Variants in RAB31 observed in about 807,000 individuals in gnomAD.
The protein encoded by RAB31 is RAB31, member RAS oncogene family, also known as ras-related protein Rab-31.
RAB31 carries 21 observed loss-of-function variants against 25.6 expected under a neutral mutation model. The ratio of observed to expected loss-of-function variants is 0.82; its 90% confidence interval spans 0.58 to 1.18. The LOEUF is 1.18. RAB31 is among the 50% of genes most tolerant of loss of function. The pLI is 0.00. For missense variants in RAB31, 196 were observed against 250.1 expected, an observed-to-expected ratio of 0.78 and a Z score of 1.46; for synonymous variants, 87 against 84.0, an observed-to-expected ratio of 1.04 and a Z score of -0.20.
chr18:9,789,436 A>G (rs535099653), intron 2 of RAB31, among the ~76,000 whole-genome samples: 2 of 152,352 alleles, frequency 1.3e-5, no homozygotes, highest in South Asian at 4.1e-4. Context: ...GAATATGCCA[A>G]TTACCCTGAT....
chr18:9,858,951 C>G (rs1195733041), intron 6 of RAB31, among the ~76,000 whole-genome samples: 3 of 152,178 alleles, frequency 2.0e-5, no homozygotes, highest in East Asian at 1.9e-4. Flanking sequence ...GTGGATCTTC[C>G]TAGCCCAGGA....
In RAB31 at chr18:9,708,500, C is replaced by T; in HGVS notation, c.39+56C>T. 1 of 1,468,330 alleles carries T rather than the reference C, an allele frequency of 6.8e-7. No individual in the cohort carries two copies. Among genetic ancestry groups the T allele is most frequent in the African/African-American group, 1.5e-5 (1 of 68,406 alleles). 91.0% of individuals were successfully genotyped at this position (1,468,330 alleles called of 1,614,324 possible). ...CCCGGCCCGCGCTCTCGCGCCCCTT[C>T]GCTCCCCTATTCCCTGCGCGCTCAG... On this transcript the variant is annotated intron_variant, in intron 1 of 6. Coordinates refer to ENST00000578921, the MANE Select transcript of RAB31 (RefSeq NM_006868.4). The surrounding 1 kb of genome is among the most constrained non-coding windows in gnomAD (Gnocchi z 6.4).
At chr18:9,837,527 A>G (rs1014652433) in intron 5 of RAB31, among the ~76,000 whole-genome samples, 23 of 152,252 alleles carry the variant, frequency 1.5e-4, no homozygotes, top group African/African-American at 5.5e-4. Flanking sequence ...AATCAAATAC[A>G]AACAGCAGGT....
At chr18:9,812,216 TA>T (rs2068575964) in intron 3 of RAB31, among the ~76,000 whole-genome samples, 1 of 152,192 alleles carries the variant, frequency 6.6e-6, no homozygotes, top group South Asian at 2.1e-4. Flanking sequence ...AGGGTTTCAA[TA>T]CATGGATTTT....
At chr18:9,801,732 A>T (rs4798863) in intron 3 of RAB31, among the ~76,000 whole-genome samples, 41,027 of 152,106 alleles carry the variant, frequency 0.27, 5,633 homozygotes, top group South Asian at 0.44. Context: ...TTCTCCATAT[A>T]CTCACCAACA....
chr18:9,754,130 C>G (rs1296557649), intron 1 of RAB31, among the ~76,000 whole-genome samples: 2 of 152,166 alleles, frequency 1.3e-5, no homozygotes, highest in African/African-American at 4.8e-5. Flanking sequence ...AGGTCTAGCA[C>G]TATATCTTGT....
chr18:9,856,350 G>A (rs1213992630), intron 6 of RAB31: 1 of 152,140 alleles, frequency 6.6e-6, no homozygotes, highest in Non-Finnish European at 1.5e-5. Flanking sequence ...GGAAAGCGGG[G>A]AAAGGTGTGG....
chr18:9,810,894 A>G (rs2068567015), intron 3 of RAB31, among the ~76,000 whole-genome samples: 1 of 152,204 alleles, frequency 6.6e-6, no homozygotes, highest in Non-Finnish European at 1.5e-5. Flanking sequence ...AATTGGGGTA[A>G]AAGGATACTT....
At chr18:9,728,859 T>A (rs1436264095) in intron 1 of RAB31, among the ~76,000 whole-genome samples, 1 of 152,198 alleles carries the variant, frequency 6.6e-6, no homozygotes, top group South Asian at 2.1e-4. Flanking sequence ...TAAATTTTTT[T>A]ATTTTTGCTA....
intron 1 of RAB31, among the ~76,000 whole-genome samples, chr18:9,728,033 A>C (rs897766951): frequency 3.9e-5 from 6 of 152,248 alleles, no homozygotes; most frequent in African/African-American, 1.4e-4. Context: ...AAAGGTACAC[A>C]TAGGTATAAA....
chr18:9,806,615 A>G (rs2068543196), intron 3 of RAB31, among the ~76,000 whole-genome samples: 1 of 152,240 alleles, frequency 6.6e-6, no homozygotes, highest in Admixed American at 6.5e-5. Context: ...AAGATGCCAC[A>G]GAATGGAGCT....
chr18:9,809,590 T>C (rs2143067383), intron 3 of RAB31, among the ~76,000 whole-genome samples: 1 of 152,270 alleles, frequency 6.6e-6, no homozygotes, highest in African/African-American at 2.4e-5. Context: ...CTCAGGAAAA[T>C]ACCACACTAG....
At chr18:9,765,605 G>A (rs1262713500) in intron 1 of RAB31, among the ~76,000 whole-genome samples, 1 of 152,146 alleles carries the variant, frequency 6.6e-6, no homozygotes, top group Admixed American at 6.5e-5. Flanking sequence ...GAGGTACAGA[G>A]GAATTATTTC....
chr18:9,747,140 C>T (rs1397870426), intron 1 of RAB31, among the ~76,000 whole-genome samples: 1 of 152,062 alleles, frequency 6.6e-6, no homozygotes, highest in Non-Finnish European at 1.5e-5. Context: ...ATACAGATGG[C>T]CAAGAAGCAC....
rs12962260 is a variant in RAB31 at position 9,793,589 on chromosome 18, G to C, written c.201+1354G>C. Among the ~76,000 whole-genome samples the C allele has an allele frequency of 3.3e-5, 5 of 152,054 alleles. No individual in the cohort carries two copies. The East Asian group carries it at 9.7e-4, about 30-fold the overall frequency. ...AGGCAGGAGAATGGCGTGAACCCAG[G>C]AGGCGGAGGTTGCAGTGAGCCGAGA... On this transcript the variant is annotated intron_variant, in intron 3 of 6. Transcript: ENST00000578921.
At chr18:9,816,303 G>T in intron 5 of RAB31, 1 of 170,654 alleles carries the variant, frequency 5.9e-6, no homozygotes, top group Non-Finnish European at 1.3e-5. Flanking sequence ...CAGATCTGAT[G>T]TACCATACAA....
chr18:9,771,896 T>A (rs565136913), intron 1 of RAB31, among the ~76,000 whole-genome samples: 37 of 152,168 alleles, frequency 2.4e-4, no homozygotes, highest in Admixed American at 5.9e-4. Context: ...GAGGTGAGAG[T>A]TAAAATGTTT....
At chr18:9,850,454 A>G (rs1345431545) in intron 6 of RAB31, among the ~76,000 whole-genome samples, 1 of 152,144 alleles carries the variant, frequency 6.6e-6, no homozygotes, top group African/African-American at 2.4e-5. Flanking sequence ...CTTAACTCGA[A>G]TATCTCTTTA....
chr18:9,761,657 C>T lies in RAB31; in HGVS notation c.40-13621C>T, dbSNP rs980632025. On this transcript the variant is annotated intron_variant, in intron 1 of 6. Coordinates refer to ENST00000578921, the MANE Select transcript of RAB31 (RefSeq NM_006868.4). ...TCCCTTGGTGGTTGTCACCAGGATG[C>T]AGTTCCTGGTGGCCTGTTGTATATG... Among the ~76,000 whole-genome samples, 3 of 152,162 alleles carry T rather than the reference C, an allele frequency of 2.0e-5. No homozygotes were observed. The East Asian group carries it at 5.8e-4, about 29-fold the overall frequency.
Sources: allele counts gnomAD v4.1 joint callset (sites outside exome capture counted in the v4.1 genomes callset), GRCh38; gene constraint gnomAD v4.1.1; non-coding constraint Gnocchi (gnomAD v3.1); transcripts MANE v1.5; gene names NCBI Gene and HGNC (gene_info 2026-07-23, HGNC 2026-07-21).